C19orf47: variants seen among roughly 807,000 people sequenced by gnomAD.
The protein encoded by C19orf47 is chromosome 19 open reading frame 47.
In C19orf47, 18 loss-of-function variants were observed where a neutral mutation model predicts 32.3. The observed-to-expected ratio is 0.56, with a 90% CI of 0.39 to 0.83. The LOEUF (loss-of-function observed/expected upper bound fraction) is 0.83, where lower values mean the gene tolerates loss of function less well. Ranked by LOEUF, C19orf47 falls within the 40% of genes least tolerant of loss-of-function variation. The probability of loss-of-function intolerance (pLI) is 0.00; values close to 1 mark genes in which losing one functional copy is unlikely to be tolerated. For synonymous variants in C19orf47, 202 were observed against 211.1 expected (o/e 0.96, Z 0.37); for missense variants, 484 against 531.6 (o/e 0.91, Z 0.88).
the C19orf47 span, among the ~76,000 whole-genome samples, chr19:40,308,146 G>C: frequency 2.6e-5 from 4 of 151,328 alleles, no homozygotes; most frequent in Non-Finnish European, 5.9e-5. Flanking sequence ...GGGAGGAAAG[G>C]CAACTTTATT....
At chr19:40,308,200 G>A in the C19orf47 span, among the ~76,000 whole-genome samples, 1 of 151,998 alleles carries the variant, frequency 6.6e-6, no homozygotes, top group South Asian at 2.1e-4. Flanking sequence ...TCTGTCGCCA[G>A]GCTGGAGTGC....
At chr19:40,307,434 T>C in the C19orf47 span, among the ~76,000 whole-genome samples, 1 of 152,126 alleles carries the variant, frequency 6.6e-6, no homozygotes, top group Non-Finnish European at 1.5e-5. Flanking sequence ...GGTCTCGTTC[T>C]GTCACCCAGA....
downstream of C19orf47, among the ~76,000 whole-genome samples, chr19:40,315,041 G>A (rs1020292400): frequency 6.6e-6 from 1 of 152,106 alleles, no homozygotes; most frequent in Non-Finnish European, 1.5e-5. Flanking sequence ...CTGAGCAACT[G>A]CCCTAGCCAA....
the C19orf47 span, among the ~76,000 whole-genome samples, chr19:40,308,281 G>C: frequency 1.2e-4 from 18 of 149,092 alleles, no homozygotes; most frequent in Admixed American, 8.0e-4. Flanking sequence ...TCAGCCTCCA[G>C]AGTAGCTGGG....
downstream of C19orf47, among the ~76,000 whole-genome samples, chr19:40,317,910 G>A (rs2077673973): frequency 1.3e-5 from 2 of 151,968 alleles, 1 homozygote; most frequent in Admixed American, 1.3e-4. Flanking sequence ...GTAGAGATGG[G>A]GTTTTGCCAT....
chr19:40,310,807 A>G, the C19orf47 span, among the ~76,000 whole-genome samples: 5 of 152,220 alleles, frequency 3.3e-5, no homozygotes, highest in Non-Finnish European at 7.3e-5. Context: ...CTCCAGTAAC[A>G]CTGACTGCCT....
chr19:40,345,766 C>T (rs1486247609), intron 1 of C19orf47, among the ~76,000 whole-genome samples: 12 of 63,256 alleles, frequency 1.9e-4, no homozygotes, highest in African/African-American at 6.1e-4. Flanking sequence ...CGCTTCAACC[C>T]GGGGCGGGGG....
chr19:40,325,575 T>A (rs577800307), intron 7 of C19orf47, among the ~76,000 whole-genome samples: 1 of 151,884 alleles, frequency 6.6e-6, no homozygotes, highest in East Asian at 1.9e-4. Context: ...CTGCAGTGAG[T>A]TGACAAGGTG....
the C19orf47 span, among the ~76,000 whole-genome samples, chr19:40,294,137 G>A: frequency 6.6e-6 from 1 of 151,964 alleles, no homozygotes; most frequent in East Asian, 1.9e-4. Flanking sequence ...AACGGGTAGC[G>A]GGAAGCCATT....
the C19orf47 span, among the ~76,000 whole-genome samples, chr19:40,299,871 C>CA: frequency 1.3e-5 from 2 of 151,564 alleles, no homozygotes; most frequent in Admixed American, 6.6e-5. Flanking sequence ...ACTAAAAATA[C>CA]AAAAAAAATT....
chr19:40,294,868 G>C, the C19orf47 span, among the ~76,000 whole-genome samples: 1 of 152,156 alleles, frequency 6.6e-6, no homozygotes, highest in Non-Finnish European at 1.5e-5. Flanking sequence ...CAGTCCGTAG[G>C]GCTTTGTTGT....
Position 40,321,805 on chromosome 19 carries a change from G to C in C19orf47, c.*77C>G. On this transcript the variant is annotated 3_prime_UTR_variant, in exon 9 of 9. Transcript: ENST00000683109. ...TGTCATCCAGGAGCTGGTGGGAGGC[G>C]TGATGAAGCCAGGAGCCTGGGGCGG... 6.9e-7 allele frequency: 1 copy of C among 1,449,988 alleles called. No individual in the cohort carries two copies. Among genetic ancestry groups the C allele is most frequent in the South Asian group, 1.5e-5 (1 of 68,290 alleles). The allele number at this position is 1,449,988 out of a possible 1,614,324, so 89.8% of individuals were successfully genotyped here.
At chr19:40,339,998 A>G (rs955449024) in intron 2 of C19orf47, among the ~76,000 whole-genome samples, 1 of 151,810 alleles carries the variant, frequency 6.6e-6, no homozygotes, top group East Asian at 1.9e-4. Flanking sequence ...AAAAAAAACA[A>G]AAAAAGAAAG....
chr19:40,346,185 T>C (rs2078274608), intron 1 of C19orf47, among the ~76,000 whole-genome samples: 1 of 131,900 alleles, frequency 7.6e-6, no homozygotes, highest in African/African-American at 2.9e-5. Flanking sequence ...AGATTACCAA[T>C]TCTTGGCCAG....
At chr19:40,331,291 G>T (rs761773261) in intron 5 of C19orf47, among the ~76,000 whole-genome samples, 2 of 152,224 alleles carry the variant, frequency 1.3e-5, no homozygotes, top group Non-Finnish European at 2.9e-5. Context: ...GCCCAGGCTA[G>T]CCAGCTAGAT....
At chr19:40,333,528 C>T (rs181861847) in intron 5 of C19orf47, among the ~76,000 whole-genome samples, 73 of 152,196 alleles carry the variant, frequency 4.8e-4, no homozygotes, top group Middle Eastern at 6.8e-3. Context: ...ATATATTTGA[C>T]GACAGGCTTG....
At chr19:40,305,887 G>A in the C19orf47 span, among the ~76,000 whole-genome samples, 4 of 152,038 alleles carry the variant, frequency 2.6e-5, no homozygotes, top group South Asian at 2.1e-4. Flanking sequence ...GGTGACCCAC[G>A]CCTGGAATCC....
chr19:40,295,752 GTATT>G, the C19orf47 span, among the ~76,000 whole-genome samples: 12 of 148,920 alleles, frequency 8.1e-5, no homozygotes, highest in Admixed American at 1.3e-4. Context: ...ATTTATTTAC[GTATT>G]TATTTATTGA....
At chr19:40,299,254 CTGG>C in the C19orf47 span, among the ~76,000 whole-genome samples, 6 of 151,976 alleles carry the variant, frequency 3.9e-5, no homozygotes, top group East Asian at 1.9e-4. Flanking sequence ...AATAATTACC[CTGG>C]TGATTATGAA....
Sources: gnomAD v4.1 joint callset for allele counts (sites outside exome capture counted in the v4.1 genomes callset) on GRCh38, gnomAD v4.1.1 for gene constraint, MANE v1.5 for transcripts, NCBI Gene and HGNC (gene_info 2026-07-23, HGNC 2026-07-21) for gene names.